Variants in ZC3H12D observed in about 807,000 individuals in gnomAD.
The protein encoded by ZC3H12D is probable ribonuclease ZC3H12D.
In ZC3H12D, 11 loss-of-function variants were observed where a neutral mutation model predicts 24.2. That is an observed-to-expected ratio of 0.46 (90% CI 0.29 to 0.75). The LOEUF (loss-of-function observed/expected upper bound fraction) is 0.75. ZC3H12D is among the 30% of genes least tolerant of loss of function. ZC3H12D has a pLI of 0.11. For synonymous variants in ZC3H12D, 333 were observed against 341.8 expected (o/e 0.97, Z 0.28); for missense variants, 740 against 767.7 (o/e 0.96, Z 0.43).
Position 149,450,985 on chromosome 6 carries a change from A to G in ZC3H12D, c.1282T>C (p.Ser428Pro), listed in dbSNP as rs1775881934. 2.6e-6 allele frequency: 4 copies of G among 1,520,134 alleles called. No homozygotes were observed. Among genetic ancestry groups the G allele is most frequent in the Non-Finnish European group, 3.5e-6 (4 of 1,137,616 alleles). 94.2% of individuals were successfully genotyped at this position (1,520,134 alleles called of 1,614,324 possible). ...RPRDLHGDLLSPRRPPDDPWA... is the reference protein window; with the variant it reads ...RPRDLHGDLLPPRRPPDDPWA... Reference sequence around the variant, plus strand: ...GGGTCGTCGGGTGGCCTGCGCGGGGAAAGCAAGTCGCCGTGCAGGTCCCTA... The same window carrying G: ...GGGTCGTCGGGTGGCCTGCGCGGGGGAAGCAAGTCGCCGTGCAGGTCCCTA... The change falls in exon 6 of 6, where the codon TCC becomes CCC. Residue 428 changes from serine (S) to proline (P), a missense_variant. Ser to Pro is a moderately conservative substitution (Grantham distance 74). Coordinates refer to ENST00000409806, the MANE Select transcript of ZC3H12D (RefSeq NM_207360.3).
intron 2 of ZC3H12D, among the ~76,000 whole-genome samples, chr6:149,464,007 G>C (rs1776115017): frequency 6.6e-6 from 1 of 152,206 alleles, no homozygotes; most frequent in Non-Finnish European, 1.5e-5. Context: ...AAACAGCTAG[G>C]GTTCAGTGGA....
chr6:149,475,615 C>G (rs1445704147), intron 1 of ZC3H12D, among the ~76,000 whole-genome samples: 1 of 152,072 alleles, frequency 6.6e-6, no homozygotes, highest in Non-Finnish European at 1.5e-5. Flanking sequence ...ACTTTGGAGG[C>G]TGAGGCAGGA....
Position 149,446,894 on chromosome 6 carries a change from A to T in ZC3H12D, c.*3789T>A, listed in dbSNP as rs1364755013. On this transcript the variant is annotated 3_prime_UTR_variant, in exon 6 of 6. Coordinates refer to ENST00000409806, the MANE Select transcript of ZC3H12D (RefSeq NM_207360.3). Reference sequence around the variant, plus strand: ...CCCTGACATTCTACAGTTCTACCCCAAACCCCCTTCCAGAGGCCTCTGGGA... The same window carrying T: ...CCCTGACATTCTACAGTTCTACCCCTAACCCCCTTCCAGAGGCCTCTGGGA... 2 of 152,150 alleles carry T rather than the reference A, an allele frequency of 1.3e-5. No homozygotes were observed. Among genetic ancestry groups the T allele is most frequent in the Non-Finnish European group, 2.9e-5 (2 of 68,082 alleles). The allele number at this position is 152,150 out of a possible 1,614,324, so 9.4% of individuals were successfully genotyped here.
intron 1 of ZC3H12D, 105 bp from the exon 2 acceptor site, chr6:149,474,718 A>G: frequency 2.0e-6 from 1 of 503,386 alleles, no homozygotes; most frequent in South Asian, 6.8e-5. Context: ...TCAGGAAATC[A>G]GGTGGAGCCC....
intron 4 of ZC3H12D, among the ~76,000 whole-genome samples, chr6:149,454,612 G>A (rs978095402): frequency 2.7e-4 from 41 of 152,236 alleles, no homozygotes; most frequent in African/African-American, 8.2e-4. Flanking sequence ...CCCTGTGGAC[G>A]TGCCCGGGGC....
chr6:149,467,591 T>A (rs1046951804), intron 2 of ZC3H12D, among the ~76,000 whole-genome samples: 4 of 152,184 alleles, frequency 2.6e-5, no homozygotes, highest in African/African-American at 9.7e-5. Context: ...GGGTTCTGTC[T>A]GCCAGGGCAC....
At chr6:149,451,718 C>T (rs1166212546) in intron 5 of ZC3H12D, among the ~76,000 whole-genome samples, 1 of 152,188 alleles carries the variant, frequency 6.6e-6, no homozygotes, top group Non-Finnish European at 1.5e-5. Context: ...GGTGAGGGGG[C>T]GCTGAGCACA....
At chr6:149,470,647 A>T (rs550364590) in intron 2 of ZC3H12D, among the ~76,000 whole-genome samples, 1 of 152,244 alleles carries the variant, frequency 6.6e-6, no homozygotes, top group African/African-American at 2.4e-5. Context: ...TTAGTCCAAC[A>T]TCCTAATTGT....
At chr6:149,471,217 C>T (rs945788849) in intron 2 of ZC3H12D, among the ~76,000 whole-genome samples, 63 of 152,360 alleles carry the variant, frequency 4.1e-4, no homozygotes, top group African/African-American at 1.4e-3. Flanking sequence ...TTCAGCCAAG[C>T]ACGACCAATG....
intron 1 of ZC3H12D, among the ~76,000 whole-genome samples, chr6:149,480,554 T>C (rs943959048): frequency 6.6e-5 from 10 of 152,238 alleles, no homozygotes; most frequent in Admixed American, 5.2e-4. Flanking sequence ...CTGACCAACG[T>C]GGAGAAACCC....
At chr6:149,460,598 G>A (rs1230205987) in intron 3 of ZC3H12D, among the ~76,000 whole-genome samples, 10 of 152,090 alleles carry the variant, frequency 6.6e-5, no homozygotes, top group Admixed American at 6.5e-4. Flanking sequence ...ACTTTGGGAG[G>A]CAGAGGTGGG....
At chr6:149,469,818 C>T (rs532280130) in intron 2 of ZC3H12D, among the ~76,000 whole-genome samples, 1 of 152,158 alleles carries the variant, frequency 6.6e-6, no homozygotes, top group African/African-American at 2.4e-5. Context: ...GGGAGTGGGG[C>T]CTCACACCTG....
At chr6:149,453,555 GA>G (rs1775934900) in intron 4 of ZC3H12D, among the ~76,000 whole-genome samples, 1 of 152,100 alleles carries the variant, frequency 6.6e-6, no homozygotes, top group Admixed American at 6.6e-5. Context: ...TTGAACCCGG[GA>G]GGCGAAGGTT....
At position 149,456,235 on chromosome 6, in the gene ZC3H12D, G is replaced by A. The variant is rs890159670; in HGVS notation, c.680+431C>T. ...CCACTGCACTCCAGCCTGGGTGACA[G>A]AGCAAGACTCCATCTCAAAAAATAA... On this transcript the variant is annotated intron_variant, in intron 4 of 5. Transcript: ENST00000409806. The surrounding 1 kb of genome is among the most constrained non-coding windows in gnomAD (Gnocchi z 4.3). Among the ~76,000 whole-genome samples the A allele has an allele frequency of 2.7e-5, 4 of 150,044 alleles. No homozygotes were observed. Among genetic ancestry groups the A allele is most frequent in the African/African-American group, 9.9e-5 (4 of 40,520 alleles).
chr6:149,449,092 G>A lies in ZC3H12D; in HGVS notation c.*1591C>T, dbSNP rs1775834526. 1 of 152,378 alleles carries A rather than the reference G, an allele frequency of 6.6e-6. No homozygotes were observed. Among genetic ancestry groups the A allele is most frequent in the South Asian group, 2.1e-4 (1 of 4,828 alleles). 9.4% of individuals were successfully genotyped at this position (152,378 alleles called of 1,614,324 possible). A position where few individuals can be genotyped will look rare whatever the true frequency, so the allele number is the denominator to read the frequency against. Reference sequence around the variant, plus strand: ...AGAGGCCAGGGCCCCTGAGGATTCGGGGGTCGGCACTCTGGCAGCACCATC... The same window carrying A: ...AGAGGCCAGGGCCCCTGAGGATTCGAGGGTCGGCACTCTGGCAGCACCATC... On this transcript the variant is annotated 3_prime_UTR_variant, in exon 6 of 6. Transcript: ENST00000409806.
chr6:149,451,539 G>T, intron 5 of ZC3H12D, 60 bp from the exon 6 acceptor site: 1 of 1,411,826 alleles, frequency 7.1e-7, no homozygotes, highest in Non-Finnish European at 9.4e-7. Context: ...GAGGGGCGGT[G>T]GTTCCTGGTG....
chr6:149,456,628 G>GGGGGAAGGACCCC lies in ZC3H12D; in HGVS notation c.680+37_680+38insGGGGTCCTTCCCC. 1 of 787,348 alleles carries GGGGGAAGGACCCC rather than the reference G, an allele frequency of 1.3e-6. No homozygotes were observed. Among genetic ancestry groups the GGGGGAAGGACCCC allele is most frequent in the Non-Finnish European group, 2.0e-6 (1 of 491,394 alleles). 48.8% of individuals were successfully genotyped at this position (787,348 alleles called of 1,614,324 possible). On this transcript the variant is annotated intron_variant, in intron 4 of 5. Transcript: ENST00000409806. The surrounding 1 kb of genome is among the most constrained non-coding windows in gnomAD (Gnocchi z 4.3). ...TGCCTCGACCCCGGCCCCCCGCCCCGCCGCCCCCCAGGGTGTCAGGACCCC... is the reference window on the plus strand; with the variant it reads ...TGCCTCGACCCCGGCCCCCCGCCCCGGGGGAAGGACCCCCCGCCCCCCAGGGTGTCAGGACCCC...
At position 149,456,623 on chromosome 6, in the gene ZC3H12D, G is replaced by GGGTGAGGGC; in HGVS notation, c.680+42_680+43insGCCCTCACC. 1 of 744,590 alleles carries GGGTGAGGGC rather than the reference G, an allele frequency of 1.3e-6. No individual in the cohort carries two copies. 46.1% of individuals were successfully genotyped at this position (744,590 alleles called of 1,614,324 possible). On this transcript the variant is annotated intron_variant, in intron 4 of 5. Coordinates refer to ENST00000409806, the MANE Select transcript of ZC3H12D (RefSeq NM_207360.3). The surrounding 1 kb of genome is among the most constrained non-coding windows in gnomAD (Gnocchi z 4.3). ...GCCACTGCCTCGACCCCGGCCCCCCGCCCCGCCGCCCCCCAGGGTGTCAGG... is the reference window on the plus strand; with the variant it reads ...GCCACTGCCTCGACCCCGGCCCCCCGGGTGAGGGCCCCCGCCGCCCCCCAGGGTGTCAGG...
At chr6:149,451,567 C>T in intron 5 of ZC3H12D, 88 bp from the exon 6 acceptor site, 1 of 1,175,082 alleles carries the variant, frequency 8.5e-7, no homozygotes, top group Non-Finnish European at 1.1e-6. Context: ...GGAGTGCCGG[C>T]CCGCGGCCTC....
Sources: gnomAD v4.1 joint callset for allele counts (sites outside exome capture counted in the v4.1 genomes callset) on GRCh38, gnomAD v4.1.1 for gene constraint, Gnocchi (gnomAD v3.1) non-coding constraint, MANE v1.5 for transcripts, NCBI Gene and HGNC (gene_info 2026-07-23, HGNC 2026-07-21) for gene names.